Variants in CAMK2G observed in about 807,000 individuals in gnomAD.
The protein encoded by CAMK2G is calcium/calmodulin-dependent protein kinase type II subunit gamma.
CAMK2G carries 23 observed loss-of-function variants against 88.7 expected under a neutral mutation model. The ratio of observed to expected loss-of-function variants is 0.26; its 90% CI spans 0.19 to 0.37. The LOEUF (loss-of-function observed/expected upper bound fraction) is 0.37, where lower values mean the gene tolerates loss of function less well. CAMK2G is among the 10% of genes least tolerant of loss of function. The pLI, the probability that CAMK2G is intolerant of heterozygous loss-of-function variation, is 1.00. For synonymous variants in CAMK2G, 263 were observed against 294.8 expected (o/e 0.89, Z 1.11); for missense variants, 476 against 780.8 (o/e 0.61, Z 4.65).
intron 2 of CAMK2G, among the ~76,000 whole-genome samples, chr10:73,861,717 T>C (rs369700207): frequency 6.6e-6 from 1 of 152,202 alleles, no homozygotes; most frequent in Admixed American, 6.5e-5. Context: ...ACCTAATATA[T>C]ACTCGGCACT....
intron 15 of CAMK2G, among the ~76,000 whole-genome samples, chr10:73,826,724 G>A (rs1201575928): frequency 2.0e-5 from 3 of 152,204 alleles, no homozygotes; most frequent in African/African-American, 7.2e-5. Flanking sequence ...TACATCGACA[G>A]CTAGAATGTG....
chr10:73,828,902 G>A (rs982680397), intron 14 of CAMK2G, among the ~76,000 whole-genome samples: 3 of 152,206 alleles, frequency 2.0e-5, no homozygotes, highest in Non-Finnish European at 4.4e-5. Flanking sequence ...GACGCATCAA[G>A]ATGAAGACCA....
intron 2 of CAMK2G, among the ~76,000 whole-genome samples, chr10:73,871,819 G>A (rs2135990602): frequency 6.6e-6 from 1 of 152,292 alleles, no homozygotes; most frequent in Middle Eastern, 3.4e-3. Context: ...TCCCCAGTCA[G>A]GGAGTGGACA....
chr10:73,822,901 G>C (rs531780010), intron 17 of CAMK2G, among the ~76,000 whole-genome samples: 2 of 152,118 alleles, frequency 1.3e-5, no homozygotes, highest in African/African-American at 4.8e-5. Flanking sequence ...TTGCTCTGTC[G>C]CCCAGGCTGA....
At chr10:73,845,734 T>C (rs57771499) in intron 10 of CAMK2G, among the ~76,000 whole-genome samples, 24,495 of 151,912 alleles carry the variant, frequency 0.16, 2,197 homozygotes, top group South Asian at 0.25. Context: ...GAGAATTAAA[T>C]CCTTTAGGTT....
chr10:73,824,326 G>A (rs1293644939), intron 16 of CAMK2G, among the ~76,000 whole-genome samples: 1 of 152,194 alleles, frequency 6.6e-6, no homozygotes, highest in East Asian at 1.9e-4. Flanking sequence ...AGGTGCAGGT[G>A]CCCAGGAGGC....
At chr10:73,872,941 G>T in intron 2 of CAMK2G, 48 bp downstream of exon 2, 2 of 1,191,278 alleles carry the variant, frequency 1.7e-6, no homozygotes, top group South Asian at 1.2e-5. Context: ...AAGAAACCAT[G>T]GCCCCTGGAG....
intron 14 of CAMK2G, among the ~76,000 whole-genome samples, chr10:73,834,434 T>C (rs1026243323): frequency 2.0e-5 from 3 of 152,156 alleles, no homozygotes; most frequent in African/African-American, 4.8e-5. Context: ...ACACAACACA[T>C]TGCAGGGCTA....
At chr10:73,873,646 C>CAAG (rs2095932678) in intron 1 of CAMK2G, 1 of 426,756 alleles carries the variant, frequency 2.3e-6, no homozygotes, top group Non-Finnish European at 3.1e-6. Flanking sequence ...AGTCAGACAT[C>CAAG]AAGAACTCCC....
intron 14 of CAMK2G, among the ~76,000 whole-genome samples, chr10:73,835,244 C>T (rs947816057): frequency 6.6e-6 from 1 of 152,120 alleles, no homozygotes; most frequent in African/African-American, 2.4e-5. Flanking sequence ...ACTGTAAACA[C>T]CTTAAAAGGT....
chr10:73,847,259 G>C lies in CAMK2G; in HGVS notation c.785C>G (p.Thr262Arg), dbSNP rs908594003. 2 of 1,614,198 alleles carry C rather than the reference G, an allele frequency of 1.2e-6. No homozygotes were observed. The highest frequency in any genetic ancestry group is 3.3e-5 in the Admixed American group (2 of 60,026). Reference sequence around the variant, plus strand: ...CGGGTGCTTGAGAGCCTGGTCAGCCGTGATGCGCTTTGCTGGGTTTATGGT... The same window carrying C: ...CGGGTGCTTGAGAGCCTGGTCAGCCCTGATGCGCTTTGCTGGGTTTATGGT... ...MLTINPAKRITADQALKHPWV... is the reference protein window; with the variant it reads ...MLTINPAKRIRADQALKHPWV... Residue 262 changes from threonine to arginine, a missense_variant, in exon 10 of 23, where the codon ACG (threonine) becomes AGG (arginine). Thr to Arg is a moderately conservative substitution (Grantham distance 71). Around this residue, in one of 3 missense-constraint regions of CAMK2G, gnomAD observed 164 missense variants for 385.6 expected, o/e 0.43. Transcript: ENST00000423381.
At position 73,848,955 on chromosome 10, in the gene CAMK2G, G is replaced by A; in HGVS notation, c.517+58C>T. 9.2e-7 allele frequency: 1 copy of A among 1,084,214 alleles called. No homozygotes were observed. The highest frequency in any genetic ancestry group is 1.4e-6 in the Non-Finnish European group (1 of 696,360). The allele number at this position is 1,084,214 out of a possible 1,614,324, so 67.2% of individuals were successfully genotyped here. The stretch of plus-strand genomic sequence containing the variant: ...CTTCTAGTTCTAATAGAGGAAGGCA[G>A]ATCAGGAAGAGGAGGAAGGGCGGGG... On this transcript the variant is annotated intron_variant, in intron 7 of 22. Transcript: ENST00000423381. This position sits in a 1 kb window ranked among gnomAD's most constrained non-coding sequence, Gnocchi z 4.5.
chr10:73,847,320 T>C lies in CAMK2G; in HGVS notation c.724A>G (p.Thr242Ala). The C allele has an allele frequency of 6.2e-7, 1 of 1,614,066 alleles. No individual in the cohort carries two copies. Among genetic ancestry groups the C allele is most frequent in the Non-Finnish European group, 8.5e-7 (1 of 1,179,970 alleles). The change falls in exon 10 of 23, where the codon ACT becomes GCT. Residue 242 changes from threonine (T) to alanine (A), a missense_variant. Physicochemically the swap from Thr to Ala is moderately conservative, Grantham distance 58 (BLOSUM62 0). Coordinates refer to ENST00000423381, the MANE Select transcript of CAMK2G (RefSeq NM_001367534.1). The stretch of plus-strand genomic sequence containing the variant: ...TTGATCAAGTTCTTGGCTTCAGGAG[T>C]TACCGTGTCCCATTCTGGTGATGGG... ...DFPSPEWDTVTPEAKNLINQM... is the reference protein window; with the variant it reads ...DFPSPEWDTVAPEAKNLINQM...
intron 14 of CAMK2G, among the ~76,000 whole-genome samples, chr10:73,833,621 AGT>A (rs1241708009): frequency 1.4e-5 from 2 of 143,682 alleles, no homozygotes; most frequent in Non-Finnish European, 3.0e-5. Flanking sequence ...TTTGAGACAG[AGT>A]CTTGCTCTGT....
At chr10:73,828,550 G>C (rs924023816) in intron 14 of CAMK2G, among the ~76,000 whole-genome samples, 3 of 152,154 alleles carry the variant, frequency 2.0e-5, no homozygotes, top group Non-Finnish European at 4.4e-5. Flanking sequence ...AGCCACCAGG[G>C]AAAAAGCAAA....
chr10:73,821,263 TCA>T (rs1163345348), intron 18 of CAMK2G, among the ~76,000 whole-genome samples: 1 of 152,100 alleles, frequency 6.6e-6, no homozygotes, highest in Admixed American at 6.6e-5. Context: ...TCCTGGCCCA[TCA>T]CAGTCTTAAA....
chr10:73,866,531 C>CCT (rs1438262221), intron 2 of CAMK2G, among the ~76,000 whole-genome samples: 1 of 152,178 alleles, frequency 6.6e-6, no homozygotes, highest in East Asian at 1.9e-4. Context: ...AACATACAAT[C>CCT]CTCTGTACGT....
At chr10:73,825,400 A>C in intron 15 of CAMK2G, 53 bp from the exon 16 acceptor site, 1 of 1,404,214 alleles carries the variant, frequency 7.1e-7, no homozygotes, top group Non-Finnish European at 1.0e-6. Flanking sequence ...AAGGCCACTC[A>C]GGTTCAACTC....
Position 73,848,929 on chromosome 10 carries a change from G to T in CAMK2G, c.517+84C>A. 1.1e-6 allele frequency: 1 copy of T among 897,658 alleles called. No homozygotes were observed. Among genetic ancestry groups the T allele is most frequent in the Non-Finnish European group, 1.9e-6 (1 of 527,766 alleles). 55.6% of individuals were successfully genotyped at this position (897,658 alleles called of 1,614,324 possible). On this transcript the variant is annotated intron_variant, in intron 7 of 22. Transcript: ENST00000423381. The surrounding 1 kb of genome is among the most constrained non-coding windows in gnomAD (Gnocchi z 4.5). ...GGAGGCCAGGACCATTAAGGGTCTG[G>T]CTTCTAGTTCTAATAGAGGAAGGCA...
Sources: gnomAD v4.1 joint callset for allele counts (sites outside exome capture counted in the v4.1 genomes callset) on GRCh38, gnomAD v4.1.1 for gene constraint, gnomAD v4.1.1 regional missense constraint, Gnocchi (gnomAD v3.1) non-coding constraint, MANE v1.5 for transcripts, NCBI Gene and HGNC (gene_info 2026-07-23, HGNC 2026-07-21) for gene names.